NFIL3: variants seen among roughly 807,000 people sequenced by gnomAD.
NFIL3 encodes the protein nuclear factor, interleukin 3 regulated.
In NFIL3, 5 loss-of-function variants were observed where a neutral mutation model predicts 10.0. That is an observed-to-expected ratio of 0.50 (90% CI 0.26 to 1.06). The LOEUF is 1.06. Among genes scored for constraint, NFIL3 ranks in the 50% least tolerant of loss-of-function variants. The pLI, the probability that NFIL3 is intolerant of heterozygous loss-of-function variation, is 0.13. For missense variants in NFIL3, 436 were observed against 547.6 expected (o/e 0.80, Z 2.03); for synonymous variants, 202 against 206.5 (o/e 0.98, Z 0.19).
chr9:91,479,095 G>A, the NFIL3 span, among the ~76,000 whole-genome samples: 14 of 152,328 alleles, frequency 9.2e-5, no homozygotes, highest in East Asian at 1.2e-3. Flanking sequence ...CTGCTGGGAC[G>A]TGTCTCCCAG....
the NFIL3 span, among the ~76,000 whole-genome samples, chr9:91,442,937 C>T: frequency 6.6e-6 from 1 of 152,170 alleles, no homozygotes; most frequent in Non-Finnish European, 1.5e-5. Context: ...TCCTGCCATT[C>T]AGTGGGTCCA....
intron 1 of NFIL3, among the ~76,000 whole-genome samples, chr9:91,421,022 G>A (rs756561278): frequency 5.9e-5 from 9 of 152,092 alleles, no homozygotes; most frequent in Non-Finnish European, 1.2e-4. Flanking sequence ...ACGTTTGGAG[G>A]TTTTTCTTAA....
At chr9:91,446,239 G>T in the NFIL3 span, among the ~76,000 whole-genome samples, 1 of 152,160 alleles carries the variant, frequency 6.6e-6, no homozygotes, top group Non-Finnish European at 1.5e-5. Flanking sequence ...TCCTGGTTAT[G>T]AGCTGATCCT....
the NFIL3 span, among the ~76,000 whole-genome samples, chr9:91,470,605 T>C: frequency 6.6e-6 from 1 of 152,182 alleles, no homozygotes. Flanking sequence ...TTTTTAATTG[T>C]GATGTTAGGG....
chr9:91,418,109 CAATT>C (rs1833691806), intron 1 of NFIL3, among the ~76,000 whole-genome samples: 1 of 152,126 alleles, frequency 6.6e-6, no homozygotes, highest in African/African-American at 2.4e-5. Flanking sequence ...ACTTAATACA[CAATT>C]AAATTATTCT....
the NFIL3 span, among the ~76,000 whole-genome samples, chr9:91,454,703 G>A: frequency 1.3e-5 from 2 of 151,840 alleles, no homozygotes; most frequent in African/African-American, 2.4e-5. Context: ...GTGGTGGCAC[G>A]TGCCTGTAAT....
At chr9:91,443,613 A>AT in the NFIL3 span, among the ~76,000 whole-genome samples, 1 of 152,208 alleles carries the variant, frequency 6.6e-6, no homozygotes, top group South Asian at 2.1e-4. Context: ...CCTGGGCTCG[A>AT]CCACGACTTT....
the NFIL3 span, among the ~76,000 whole-genome samples, chr9:91,429,212 A>G: frequency 6.6e-6 from 1 of 152,344 alleles, no homozygotes; most frequent in East Asian, 1.9e-4. Flanking sequence ...GGAAAGAGCT[A>G]CACAGCTGCA....
chr9:91,460,652 A>G, the NFIL3 span, among the ~76,000 whole-genome samples: 1,963 of 152,212 alleles, frequency 0.013, 16 homozygotes, highest in Non-Finnish European at 0.018. Context: ...ATGTTTATCC[A>G]CCAAATCACA....
upstream of NFIL3, among the ~76,000 whole-genome samples, chr9:91,424,074 A>G (rs1833831861): frequency 6.7e-6 from 1 of 149,302 alleles, no homozygotes; most frequent in Non-Finnish European, 1.5e-5. Flanking sequence ...CCGCCGTCCG[A>G]GCGCCCGCGA....
chr9:91,427,214 T>G (rs531286083), upstream of NFIL3: 2 of 147,844 alleles, frequency 1.4e-5, no homozygotes, highest in African/African-American at 4.9e-5. Context: ...TGATTTTCAG[T>G]TTAGGCAAGC....
At chr9:91,445,310 A>C in the NFIL3 span, among the ~76,000 whole-genome samples, 1 of 152,214 alleles carries the variant, frequency 6.6e-6, no homozygotes, top group Non-Finnish European at 1.5e-5. Context: ...AATGTGAGGC[A>C]TGACAGTAAC....
the NFIL3 span, among the ~76,000 whole-genome samples, chr9:91,483,229 C>T: frequency 1.3e-5 from 2 of 152,100 alleles, no homozygotes; most frequent in East Asian, 1.9e-4. Context: ...CTGTCCCTCC[C>T]GTCCTATGTT....
chr9:91,436,604 CAA>C, the NFIL3 span, among the ~76,000 whole-genome samples: 1 of 151,058 alleles, frequency 6.6e-6, no homozygotes, highest in East Asian at 2.0e-4. Context: ...ACAACAACAA[CAA>C]CAACAACAAC....
chr9:91,428,816 G>A (rs1833895242), upstream of NFIL3, among the ~76,000 whole-genome samples: 1 of 152,204 alleles, frequency 6.6e-6, no homozygotes, highest in Admixed American at 6.5e-5. Flanking sequence ...AGCCACCACA[G>A]ATGGCACACA....
the NFIL3 span, among the ~76,000 whole-genome samples, chr9:91,470,659 T>C: frequency 6.6e-6 from 1 of 152,326 alleles, no homozygotes; most frequent in East Asian, 1.9e-4. Context: ...GGACATTTAG[T>C]GCTATAAATT....
Position 91,409,893 on chromosome 9 carries a change from A to G in NFIL3, c.842T>C (p.Val281Ala). The change falls in exon 2 of 2, where the codon GTG becomes GCG. Residue 281 changes from valine to alanine, a missense_variant. Physicochemically the swap from Val to Ala is moderately conservative, Grantham distance 64 (BLOSUM62 0). Around this residue, in one of 3 missense-constraint regions of NFIL3, gnomAD observed 338 missense variants for 399.9 expected, o/e 0.85. Coordinates refer to ENST00000297689, the MANE Select transcript of NFIL3 (RefSeq NM_005384.3). ...SPRTSETDDG[V>A]VGKSSDGEDE... ...TTCTCCATCAGATGACTTTCCTACC[A>G]CACCATCATCAGTTTCCGACGTTCT... is the stretch of plus-strand genomic sequence containing the variant. 1 of 1,613,586 alleles carries G rather than the reference A, an allele frequency of 6.2e-7. No individual in the cohort carries two copies. Among genetic ancestry groups the G allele is most frequent in the Non-Finnish European group, 8.5e-7 (1 of 1,179,886 alleles).
chr9:91,411,235 G>C (rs1344025366), intron 1 of NFIL3, among the ~76,000 whole-genome samples: 3 of 152,192 alleles, frequency 2.0e-5, no homozygotes, highest in Admixed American at 6.5e-5. Context: ...AAATAGTTGG[G>C]TGTGGGCAAT....
the NFIL3 span, among the ~76,000 whole-genome samples, chr9:91,476,224 T>C: frequency 6.6e-6 from 1 of 152,220 alleles, no homozygotes; most frequent in South Asian, 2.1e-4. Flanking sequence ...ATTCAGTGCA[T>C]AGATGTAAAC....
Sources: gnomAD v4.1 joint callset for allele counts (sites outside exome capture counted in the v4.1 genomes callset) on GRCh38, gnomAD v4.1.1 for gene constraint, gnomAD v4.1.1 regional missense constraint, MANE v1.5 for transcripts, NCBI Gene and HGNC (gene_info 2026-07-23, HGNC 2026-07-21) for gene names.